The following BMPR1B variants were observed in gnomAD, a reference collection of about 807,000 sequenced individuals.
BMPR1B encodes the protein bone morphogenetic protein receptor type 1B, also known as bone morphogenetic protein receptor type-1B.
Under a neutral mutation model 59.1 loss-of-function variants are expected in BMPR1B, and 12 were observed. That is an observed-to-expected ratio of 0.20 (90% CI 0.13 to 0.33). The LOEUF is 0.33. Ranked by LOEUF, BMPR1B falls within the 10% of genes least tolerant of loss-of-function variation. The pLI, the probability that BMPR1B is intolerant of heterozygous loss-of-function variation, is 1.00. For synonymous variants in BMPR1B, 237 were observed against 207.3 expected (o/e 1.14, Z -1.23); for missense variants, 550 against 610.9 (o/e 0.90, Z 1.05).
intron 2 of BMPR1B, among the ~76,000 whole-genome samples, chr4:94,963,549 A>T (rs1157730043): frequency 6.6e-6 from 1 of 152,146 alleles, no homozygotes; most frequent in East Asian, 1.9e-4. Context: ...TTGTTTCATT[A>T]TTCTGCATAT....
At chr4:94,902,604 G>GT (rs11397011) in intron 2 of BMPR1B, among the ~76,000 whole-genome samples, 26,998 of 151,568 alleles carry the variant, frequency 0.18, 2,528 homozygotes, top group South Asian at 0.22. Flanking sequence ...GAATTTTTCT[G>GT]TTTTTTTCTG....
At chr4:95,007,659 G>A (rs1722940762) in intron 3 of BMPR1B, among the ~76,000 whole-genome samples, 1 of 152,064 alleles carries the variant, frequency 6.6e-6, no homozygotes, top group African/African-American at 2.4e-5. Context: ...TTTTCACCTT[G>A]CTCCTTCAAA....
chr4:95,015,991 G>A (rs990233225), intron 3 of BMPR1B, among the ~76,000 whole-genome samples: 1 of 152,106 alleles, frequency 6.6e-6, no homozygotes, highest in African/African-American at 2.4e-5. Context: ...GCGCCGGCTG[G>A]AACATCATTT....
intron 3 of BMPR1B, among the ~76,000 whole-genome samples, chr4:95,002,996 TA>T (rs1578909413): frequency 6.6e-6 from 1 of 151,958 alleles, no homozygotes; most frequent in Non-Finnish European, 1.5e-5. Context: ...TTCCTTTATT[TA>T]AAAAAAAATT....
rs1029752015 is a variant in BMPR1B at position 95,051,874 on chromosome 4, A to G, written c.-17-52534A>G. ...AGGGAAAGTTCAGGCCAGAAGTTCA[A>G]TGTCTATAAAGTTCCATCCCCCATT... On this transcript the variant is annotated intron_variant, in intron 3 of 12. Transcript: ENST00000515059. 8.3e-6 allele frequency: 10 copies of G among 1,199,810 alleles called. No individual in the cohort carries two copies. The South Asian group carries it at 8.5e-5, about 10-fold the overall frequency. The allele number at this position is 1,199,810 out of a possible 1,614,324, so 74.3% of individuals were successfully genotyped here.
chr4:95,050,824 C>T (rs1339985978), intron 3 of BMPR1B, among the ~76,000 whole-genome samples: 3 of 151,912 alleles, frequency 2.0e-5, no homozygotes, highest in Non-Finnish European at 4.4e-5. Context: ...TCTTGGTGTT[C>T]TTTTATTATT....
At chr4:95,101,798 A>C (rs1341768022) in intron 3 of BMPR1B, among the ~76,000 whole-genome samples, 1 of 152,104 alleles carries the variant, frequency 6.6e-6, no homozygotes, top group Non-Finnish European at 1.5e-5. Context: ...ATATGAGAAG[A>C]TTGTCATATG....
At chr4:95,002,319 T>G (rs1317733996) in intron 3 of BMPR1B, among the ~76,000 whole-genome samples, 1 of 152,220 alleles carries the variant, frequency 6.6e-6, no homozygotes, top group South Asian at 2.1e-4. Context: ...GATTTCATTC[T>G]TTTTTATGGC....
At chr4:95,058,516 A>G (rs879308397) in intron 3 of BMPR1B, among the ~76,000 whole-genome samples, 2 of 152,186 alleles carry the variant, frequency 1.3e-5, no homozygotes, top group Admixed American at 6.5e-5. Flanking sequence ...TAGAAACTGC[A>G]CTGATGAGAT....
At chr4:95,092,627 T>C (rs1730074616) in intron 3 of BMPR1B, among the ~76,000 whole-genome samples, 1 of 152,098 alleles carries the variant, frequency 6.6e-6, no homozygotes, top group South Asian at 2.1e-4. Context: ...TATTTTAAAG[T>C]CAGTAATAGC....
intron 3 of BMPR1B, among the ~76,000 whole-genome samples, chr4:95,026,114 C>CTTTCTTTT (rs1553928478): frequency 1.6e-4 from 23 of 142,624 alleles, no homozygotes; most frequent in South Asian, 7.0e-4. Context: ...TTCTTTCTTT[C>CTTTCTTTT]TTTCTTTCTT....
At chr4:94,825,553 T>C (rs532431290) in intron 1 of BMPR1B, among the ~76,000 whole-genome samples, 13 of 152,246 alleles carry the variant, frequency 8.5e-5, no homozygotes, top group Admixed American at 8.5e-4. Context: ...ATCTTTTTTT[T>C]TAAGATGGGA....
chr4:94,928,428 G>A (rs917817757), intron 2 of BMPR1B, among the ~76,000 whole-genome samples: 6 of 152,036 alleles, frequency 3.9e-5, no homozygotes, highest in African/African-American at 1.4e-4. Context: ...TATTGTGCAT[G>A]AAGGCAGATC....
intron 1 of BMPR1B, among the ~76,000 whole-genome samples, chr4:94,770,052 A>G (rs1400249691): frequency 4.6e-5 from 7 of 152,222 alleles, no homozygotes; most frequent in Non-Finnish European, 7.4e-5. Context: ...CTTCACATCT[A>G]TAATGTTTCC....
intron 3 of BMPR1B, among the ~76,000 whole-genome samples, chr4:95,078,234 G>A (rs1728857067): frequency 6.6e-6 from 1 of 152,162 alleles, no homozygotes. Context: ...TAAATACTTG[G>A]AGGTCATCTA....
chr4:95,122,736 TA>T lies in BMPR1B; in HGVS notation c.350-1067del, dbSNP rs11358627. Among the ~76,000 whole-genome samples, 1,220 of 152,172 alleles carry T rather than the reference TA, an allele frequency of 8.0e-3. 15 individuals are homozygous for T. Among genetic ancestry groups the T allele is most frequent in the African/African-American group, 0.027 (1,110 of 41,534 alleles). The stretch of plus-strand genomic sequence containing the variant: ...TCATGTAACATATAATACTTCTGAG[TA>T]AAAAAAGTTACATTGAGTGGAAGAA... On this transcript the variant is annotated intron_variant, in intron 6 of 12. Coordinates refer to ENST00000515059, the MANE Select transcript of BMPR1B (RefSeq NM_001203.3).
chr4:95,111,980 G>A (rs1353878366), intron 4 of BMPR1B, among the ~76,000 whole-genome samples: 1 of 151,974 alleles, frequency 6.6e-6, no homozygotes, highest in African/African-American at 2.4e-5. Flanking sequence ...TTTTTCATGA[G>A]TTAACATTAT....
chr4:95,139,391 G>A (rs933825345), intron 10 of BMPR1B, among the ~76,000 whole-genome samples: 10 of 152,154 alleles, frequency 6.6e-5, no homozygotes, highest in African/African-American at 1.7e-4. Flanking sequence ...CAGTCTGTCC[G>A]TTCTCAGATC....
In BMPR1B at chr4:95,061,871, G is replaced by A. The variant is rs1407513251; in HGVS notation, c.-17-42537G>A. 7.2e-5 allele frequency among the ~76,000 whole-genome samples: 11 copies of A among 152,148 alleles called. No homozygotes were observed. The East Asian group carries it at 2.1e-3, about 29-fold the overall frequency. On this transcript the variant is annotated intron_variant, in intron 3 of 12. Coordinates refer to ENST00000515059, the MANE Select transcript of BMPR1B (RefSeq NM_001203.3). ...CCAATGTTGGGGGAGGGACCTGGTGGGAGGTGATTGGATCTTGGCGGTGGT... is the reference window on the plus strand; with the variant it reads ...CCAATGTTGGGGGAGGGACCTGGTGAGAGGTGATTGGATCTTGGCGGTGGT...
Sources: allele counts gnomAD v4.1 joint callset (sites outside exome capture counted in the v4.1 genomes callset), GRCh38; gene constraint gnomAD v4.1.1; transcripts MANE v1.5; gene names NCBI Gene and HGNC (gene_info 2026-07-23, HGNC 2026-07-21).